Variants in PARD6B observed in about 807,000 individuals in gnomAD.
PARD6B encodes the protein partitioning defective 6 homolog beta.
PARD6B carries 4 observed loss-of-function variants against 10.5 expected under a neutral mutation model. The observed-to-expected ratio is 0.38, with a 90% CI of 0.19 to 0.87. The LOEUF (loss-of-function observed/expected upper bound fraction) is 0.87, where lower values mean the gene tolerates loss of function less well. Ranked by LOEUF, PARD6B falls within the 40% of genes least tolerant of loss-of-function variation. PARD6B has a pLI of 0.41. For missense variants in PARD6B, 396 were observed against 470.6 expected (o/e 0.84, Z 1.47); for synonymous variants, 169 against 170.4 (o/e 0.99, Z 0.07).
At chr20:50,739,218 G>A (rs910529435) in intron 2 of PARD6B, among the ~76,000 whole-genome samples, 1 of 151,884 alleles carries the variant, frequency 6.6e-6, no homozygotes, top group African/African-American at 2.4e-5. Context: ...AGGTGGAGGC[G>A]GGCGGATCAT....
In PARD6B at chr20:50,750,954, A is replaced by ATTTTTTTTTTTTTTTTTTTTTGT. The variant is rs2087603366; in HGVS notation, c.*487_*488insGTTTTTTTTTTTTTTTTTTTTTT. The ATTTTTTTTTTTTTTTTTTTTTGT allele has an allele frequency of 2.7e-6, 1 of 365,692 alleles. No individual in the cohort carries two copies. Among genetic ancestry groups the ATTTTTTTTTTTTTTTTTTTTTGT allele is most frequent in the Non-Finnish European group, 3.3e-6 (1 of 307,490 alleles). The allele number at this position is 365,692 out of a possible 1,614,324, so 22.7% of individuals were successfully genotyped here. A position where few individuals can be genotyped will look rare whatever the true frequency, so the allele number is the denominator to read the frequency against. On this transcript the variant is annotated 3_prime_UTR_variant, in exon 3 of 3. Coordinates refer to ENST00000371610, the MANE Select transcript of PARD6B (RefSeq NM_032521.3). ...CTCATGTTCCCAATATTTTATTTTG[A>ATTTTTTTTTTTTTTTTTTTTTGT]TTTTTTTTTTTTTTTTTTTTTTTTT...
At chr20:50,742,321 G>C (rs1398900731) in intron 2 of PARD6B, among the ~76,000 whole-genome samples, 1 of 152,150 alleles carries the variant, frequency 6.6e-6, no homozygotes, top group Non-Finnish European at 1.5e-5. Context: ...TGGGTTTACA[G>C]GTGGGAGCCG....
Position 50,751,987 on chromosome 20 carries a change from C to A in PARD6B, c.*1499C>A. 4.1e-6 allele frequency: 4 copies of A among 985,312 alleles called. No homozygotes were observed. Among genetic ancestry groups the A allele is most frequent in the Non-Finnish European group, 4.8e-6 (4 of 829,910 alleles). 61.0% of individuals were successfully genotyped at this position (985,312 alleles called of 1,614,324 possible). Reference sequence around the variant, plus strand: ...AAGTGCTGGATTGCAGGCATGAGCGCCTAGCCAGGAAGCTATCTTTTCTTG... The same window carrying A: ...AAGTGCTGGATTGCAGGCATGAGCGACTAGCCAGGAAGCTATCTTTTCTTG... On this transcript the variant is annotated 3_prime_UTR_variant, in exon 3 of 3. Transcript: ENST00000371610.
chr20:50,741,554 A>G (rs2087530502), intron 2 of PARD6B, among the ~76,000 whole-genome samples: 1 of 151,380 alleles, frequency 6.6e-6, no homozygotes, highest in Non-Finnish European at 1.5e-5. Flanking sequence ...TAATGCATGC[A>G]CTCTTTTTTT....
chr20:50,750,969 T>A lies in PARD6B; in HGVS notation c.*481T>A. On this transcript the variant is annotated 3_prime_UTR_variant, in exon 3 of 3. Coordinates refer to ENST00000371610, the MANE Select transcript of PARD6B (RefSeq NM_032521.3). ...TTTTATTTTGATTTTTTTTTTTTTT[T>A]TTTTTTTTTTTTTTTTTAGTGACTG... The A allele has an allele frequency of 6.3e-6, 3 of 475,676 alleles. No individual in the cohort carries two copies. The highest frequency in any genetic ancestry group is 7.5e-6 in the Non-Finnish European group (3 of 399,578). 29.5% of individuals were successfully genotyped at this position (475,676 alleles called of 1,614,324 possible).
chr20:50,731,887 C>G (rs878970173), intron 1 of PARD6B, 35 bp downstream of exon 1: 6 of 1,389,962 alleles, frequency 4.3e-6, no homozygotes, highest in Non-Finnish European at 5.6e-6. Context: ...AGCGGCGGGC[C>G]TGGGGGGCCG....
intron 2 of PARD6B, among the ~76,000 whole-genome samples, chr20:50,749,337 C>T (rs2087586482): frequency 1.3e-5 from 1 of 79,532 alleles, no homozygotes; most frequent in Non-Finnish European, 2.4e-5. Flanking sequence ...AGCGAGACTC[C>T]ATCTCAAAAA....
At chr20:50,740,294 A>G (rs2087524294) in intron 2 of PARD6B, among the ~76,000 whole-genome samples, 2 of 152,254 alleles carry the variant, frequency 1.3e-5, no homozygotes, top group African/African-American at 4.8e-5. Context: ...ATGGTTGAAT[A>G]ATAGGCCTTT....
chr20:50,737,821 T>G, intron 1 of PARD6B, 36 bp from the exon 2 acceptor site: 1 of 1,370,744 alleles, frequency 7.3e-7, no homozygotes, highest in Non-Finnish European at 9.6e-7. Context: ...TTACTTTTTT[T>G]TTTTTTTTTA....
chr20:50,737,306 G>A (rs1600814856), intron 1 of PARD6B, among the ~76,000 whole-genome samples: 1 of 152,210 alleles, frequency 6.6e-6, no homozygotes, highest in Non-Finnish European at 1.5e-5. Context: ...TACATTTGAT[G>A]TATTACTGAA....
Position 50,731,838 on chromosome 20 carries a change from G to C in PARD6B, c.52G>C (p.Glu18Gln). 6.9e-7 allele frequency: 1 copy of C among 1,458,306 alleles called. No homozygotes were observed. The highest frequency in any genetic ancestry group is 9.0e-7 in the Non-Finnish European group (1 of 1,110,080). 90.3% of individuals were successfully genotyped at this position (1,458,306 alleles called of 1,614,324 possible). Residue 18 changes from glutamate (E) to glutamine (Q), a missense_variant, in exon 1 of 3, where the codon GAG (glutamate) becomes CAG (glutamine). By Grantham distance (29) the Glu-to-Gln change is conservative (BLOSUM62 2). Coordinates refer to ENST00000371610, the MANE Select transcript of PARD6B (RefSeq NM_032521.3). ...GAGSGCLGTM[E>Q]VKSKFGAEFR... ...GGGCAGCGGCTGCCTGGGCACTATG[G>C]AGGTGAAGAGCAAGGTGCGCGGGGC...
At chr20:50,741,341 T>G (rs1180513577) in intron 2 of PARD6B, among the ~76,000 whole-genome samples, 1 of 152,032 alleles carries the variant, frequency 6.6e-6, no homozygotes, top group Admixed American at 6.6e-5. Context: ...CACGTCTGCC[T>G]CCTCCTGCTT....
chr20:50,744,779 T>C (rs1489346071), intron 2 of PARD6B, among the ~76,000 whole-genome samples: 1 of 152,150 alleles, frequency 6.6e-6, no homozygotes, highest in East Asian at 1.9e-4. Flanking sequence ...CCTGGCTGGT[T>C]TTCCTCACAG....
At chr20:50,740,639 G>A (rs1374663280) in intron 2 of PARD6B, among the ~76,000 whole-genome samples, 1 of 152,044 alleles carries the variant, frequency 6.6e-6, no homozygotes, top group African/African-American at 2.4e-5. Flanking sequence ...ATGTTTCTAT[G>A]TGCAAATGTT....
chr20:50,745,483 A>G (rs972644632), intron 2 of PARD6B, among the ~76,000 whole-genome samples: 2 of 152,004 alleles, frequency 1.3e-5, no homozygotes, highest in African/African-American at 2.4e-5. Flanking sequence ...TTGGCAAACT[A>G]AGGCCTGTTG....
chr20:50,738,542 C>CA (rs1207521246), intron 2 of PARD6B, among the ~76,000 whole-genome samples: 1 of 152,214 alleles, frequency 6.6e-6, no homozygotes, highest in African/African-American at 2.4e-5. Flanking sequence ...TCCTGAGTCT[C>CA]AATGTCTGCA....
chr20:50,753,513 C>T lies in PARD6B; in HGVS notation c.*3025C>T, dbSNP rs2087626835. ...TATGATAATGTTCTCGAGCTATCAA[C>T]AAAATATATGTACTTTTGTGAGCTA... On this transcript the variant is annotated 3_prime_UTR_variant, in exon 3 of 3. Coordinates refer to ENST00000371610, the MANE Select transcript of PARD6B (RefSeq NM_032521.3). The T allele has an allele frequency of 1.1e-6, 1 of 945,850 alleles. No individual in the cohort carries two copies. The highest frequency in any genetic ancestry group is 6.2e-5 in the Admixed American group (1 of 16,166). 58.6% of individuals were successfully genotyped at this position (945,850 alleles called of 1,614,324 possible).
At position 50,752,017 on chromosome 20, in the gene PARD6B, A is replaced by G. The variant is rs965184248; in HGVS notation, c.*1529A>G. 3 of 985,264 alleles carry G rather than the reference A, an allele frequency of 3.0e-6. No homozygotes were observed. The African/African-American group carries it at 5.2e-5, about 17-fold the overall frequency. 61.0% of individuals were successfully genotyped at this position (985,264 alleles called of 1,614,324 possible). A position where few individuals can be genotyped will look rare whatever the true frequency, so the allele number is the denominator to read the frequency against. On this transcript the variant is annotated 3_prime_UTR_variant, in exon 3 of 3. Coordinates refer to ENST00000371610, the MANE Select transcript of PARD6B (RefSeq NM_032521.3). Reference sequence around the variant, plus strand: ...CCAGGAAGCTATCTTTTCTTGAGTTATGAAACTTTGCAACAGTTGTTCAAA... The same window carrying G: ...CCAGGAAGCTATCTTTTCTTGAGTTGTGAAACTTTGCAACAGTTGTTCAAA...
In PARD6B at chr20:50,731,703, G is replaced by A. The variant is rs1045596630; in HGVS notation, c.-84G>A. ...GGCGCCCGGGCCGCAACCGCTTTCCGAGATCCCCAGTCGCGCACTCGCTCC... is the reference window on the plus strand; with the variant it reads ...GGCGCCCGGGCCGCAACCGCTTTCCAAGATCCCCAGTCGCGCACTCGCTCC... On this transcript the variant is annotated 5_prime_UTR_variant, in exon 1 of 3. Transcript: ENST00000371610. 5 of 1,267,226 alleles carry A rather than the reference G, an allele frequency of 3.9e-6. No individual in the cohort carries two copies. Among genetic ancestry groups the A allele is most frequent in the Admixed American group, 7.9e-5 (2 of 25,188 alleles). The allele number at this position is 1,267,226 out of a possible 1,614,324, so 78.5% of individuals were successfully genotyped here. A position where few individuals can be genotyped will look rare whatever the true frequency, so the allele number is the denominator to read the frequency against.
Sources: allele counts gnomAD v4.1 joint callset (sites outside exome capture counted in the v4.1 genomes callset), GRCh38; gene constraint gnomAD v4.1.1; transcripts MANE v1.5; gene names NCBI Gene and HGNC (gene_info 2026-07-23, HGNC 2026-07-21).